MMD2: variants seen among roughly 807,000 people sequenced by gnomAD.
MMD2 encodes monocyte to macrophage differentiation associated 2, also known as monocyte to macrophage differentiation factor 2.
A neutral mutation model predicts 33.5 loss-of-function variants in MMD2; 30 were observed. The observed-to-expected ratio is 0.90, with a 90% CI of 0.67 to 1.22. The LOEUF is 1.22. Ranked by LOEUF, MMD2 falls within the 50% of genes most tolerant of loss-of-function variation. The pLI, the probability that MMD2 is intolerant of heterozygous loss-of-function variation, is 0.00. For synonymous variants in MMD2, 129 were observed against 123.0 expected, an observed-to-expected ratio of 1.05 and a Z score of -0.32; for missense variants, 364 against 325.4, an observed-to-expected ratio of 1.12 and a Z score of -0.91.
the MMD2 span, among the ~76,000 whole-genome samples, chr7:4,898,724 C>A: frequency 6.6e-6 from 1 of 152,158 alleles, no homozygotes; most frequent in African/African-American, 2.4e-5. Flanking sequence ...CATGGCGAAA[C>A]CCTGTCTCTA....
At chr7:4,897,472 C>T in the MMD2 span, among the ~76,000 whole-genome samples, 4 of 152,156 alleles carry the variant, frequency 2.6e-5, no homozygotes, top group African/African-American at 7.2e-5. Flanking sequence ...ACATTGTAGA[C>T]ATTATAGGTC....
At chr7:4,908,625 C>G (rs1270794313) in intron 6 of MMD2, among the ~76,000 whole-genome samples, 1 of 152,002 alleles carries the variant, frequency 6.6e-6, no homozygotes. Context: ...CAAGGCCGGG[C>G]ACGGTGGCTC....
chr7:4,903,877 G>T (rs1030195161), downstream of MMD2, among the ~76,000 whole-genome samples: 1 of 152,168 alleles, frequency 6.6e-6, no homozygotes, highest in African/African-American at 2.4e-5. Context: ...GAACCTCACG[G>T]CCCCAGGGAT....
At chr7:4,929,942 T>A (rs928050234) in intron 1 of MMD2, among the ~76,000 whole-genome samples, 2 of 152,040 alleles carry the variant, frequency 1.3e-5, no homozygotes, top group African/African-American at 4.8e-5. Context: ...GGGACCTCAT[T>A]TGGGAACAGG....
chr7:4,915,987 C>A lies in MMD2; in HGVS notation c.365+18G>T. ...GAAAGGCCGCCAAGGGTTTGCTGGG[C>A]GGCGGGACGGTACTCACCAGGGTGC... On this transcript the variant is annotated intron_variant, in intron 4 of 6. Transcript: ENST00000401401. 1 of 1,612,310 alleles carries A rather than the reference C, an allele frequency of 6.2e-7. No homozygotes were observed. Among genetic ancestry groups the A allele is most frequent in the South Asian group, 1.1e-5 (1 of 91,008 alleles).
chr7:4,905,180 A>G (rs1453207743), downstream of MMD2, among the ~76,000 whole-genome samples: 1 of 151,982 alleles, frequency 6.6e-6, no homozygotes, highest in Non-Finnish European at 1.5e-5. This position sits in a 1 kb window ranked among gnomAD's most constrained non-coding sequence, Gnocchi z 5.0. Flanking sequence ...GGGGCCACTA[A>G]AGAAGTCCCA....
At chr7:4,931,810 C>T (rs1785594877) in intron 1 of MMD2, among the ~76,000 whole-genome samples, 1 of 152,106 alleles carries the variant, frequency 6.6e-6, no homozygotes, top group South Asian at 2.1e-4. Flanking sequence ...AACAATCGTC[C>T]TCCCTTGGCC....
In MMD2 at chr7:4,940,673, G is replaced by A. The variant is rs1001913706; in HGVS notation, c.48-15141C>T. Among the ~76,000 whole-genome samples, 6 of 152,324 alleles carry A rather than the reference G, an allele frequency of 3.9e-5. No individual in the cohort carries two copies. Among genetic ancestry groups the A allele is most frequent in the Non-Finnish European group, 7.3e-5 (5 of 68,036 alleles). On this transcript the variant is annotated intron_variant, in intron 1 of 6. Transcript: ENST00000401401. The surrounding 1 kb of genome is among the most constrained non-coding windows in gnomAD (Gnocchi z 5.0). The stretch of plus-strand genomic sequence containing the variant: ...GTCTTTGGGAAACAGTCCTTGGGCC[G>A]GTGCCACCTGGGAATGGTCATGAAA...
At chr7:4,916,463 A>G (rs998896167) in intron 3 of MMD2, among the ~76,000 whole-genome samples, 6 of 136,872 alleles carry the variant, frequency 4.4e-5, no homozygotes, top group African/African-American at 1.7e-4. Context: ...GCTCACTGCA[A>G]CCTCCGCTTC....
At chr7:4,935,054 C>T (rs770795248) in intron 1 of MMD2, among the ~76,000 whole-genome samples, 1 of 152,024 alleles carries the variant, frequency 6.6e-6, no homozygotes. Context: ...GGCATGGTGG[C>T]GCACACCTGT....
chr7:4,902,786 T>G (rs1164099290), downstream of MMD2, among the ~76,000 whole-genome samples: 1 of 152,152 alleles, frequency 6.6e-6, no homozygotes. Flanking sequence ...TCCCAACCCT[T>G]TGACCTCTAC....
chr7:4,908,907 A>T (rs994106493), intron 6 of MMD2, among the ~76,000 whole-genome samples: 5 of 151,878 alleles, frequency 3.3e-5, no homozygotes, highest in Admixed American at 1.3e-4. Context: ...AAAAAAAAAA[A>T]AAAAAAATGA....
chr7:4,907,137 T>C lies in MMD2; in HGVS notation c.*259A>G. The stretch of plus-strand genomic sequence containing the variant: ...CTGCTTCCTTTTCTGAAGATGTTAA[T>C]GTTGCTTGTATTAGGAAACACTCAT... On this transcript the variant is annotated 3_prime_UTR_variant, in exon 7 of 7. Transcript: ENST00000401401. The C allele has an allele frequency of 6.4e-6, 3 of 470,206 alleles. No individual in the cohort carries two copies. The highest frequency in any genetic ancestry group is 2.4e-5 in the South Asian group (1 of 41,400). 29.1% of individuals were successfully genotyped at this position (470,206 alleles called of 1,614,324 possible).
chr7:4,915,700 ACTGCACTCTAGC>A, intron 4 of MMD2, among the ~76,000 whole-genome samples: 1 of 149,934 alleles, frequency 6.7e-6, no homozygotes, highest in East Asian at 2.0e-4. Flanking sequence ...AGACCTCGCT[ACTGCACTCTAGC>A]CTGGGTGACA....
chr7:4,940,829 G>A lies in MMD2; in HGVS notation c.48-15297C>T, dbSNP rs1311419989. On this transcript the variant is annotated intron_variant, in intron 1 of 6. Transcript: ENST00000401401. This position sits in a 1 kb window ranked among gnomAD's most constrained non-coding sequence, Gnocchi z 5.0. ...GATCTGCAGGAGACAGCACTCAGGT[G>A]CACTGTGCGTGGCATCCCATGTGAA... 2.0e-5 allele frequency among the ~76,000 whole-genome samples: 3 copies of A among 152,182 alleles called. No individual in the cohort carries two copies. The highest frequency in any genetic ancestry group is 7.2e-5 in the African/African-American group (3 of 41,448).
chr7:4,895,624 T>A, the MMD2 span, among the ~76,000 whole-genome samples: 1 of 151,758 alleles, frequency 6.6e-6, no homozygotes, highest in African/African-American at 2.4e-5. Context: ...GCAACCTCCA[T>A]CTCCCGGGTT....
the MMD2 span, among the ~76,000 whole-genome samples, chr7:4,895,542 C>G: frequency 6.7e-6 from 1 of 149,346 alleles, no homozygotes; most frequent in Non-Finnish European, 1.5e-5. Context: ...CTTTTTTTTT[C>G]TTTTCTTTTT....
chr7:4,958,445 A>G (rs1392568240), intron 1 of MMD2, among the ~76,000 whole-genome samples: 2 of 152,224 alleles, frequency 1.3e-5, no homozygotes, highest in Admixed American at 1.3e-4. Flanking sequence ...ACCAGGATGT[A>G]CAGGTGCCTC....
intron 1 of MMD2, among the ~76,000 whole-genome samples, chr7:4,947,216 GA>G (rs1378493618): frequency 6.6e-6 from 1 of 151,646 alleles, no homozygotes; most frequent in Non-Finnish European, 1.5e-5. Context: ...TCAAACAAAA[GA>G]AAAAAGAAAG....
Sources: gnomAD v4.1 joint callset for allele counts (sites outside exome capture counted in the v4.1 genomes callset) on GRCh38, gnomAD v4.1.1 for gene constraint, Gnocchi (gnomAD v3.1) non-coding constraint, MANE v1.5 for transcripts, NCBI Gene and HGNC (gene_info 2026-07-23, HGNC 2026-07-21) for gene names.